AACS: variants seen among roughly 807,000 people sequenced by gnomAD.
AACS encodes acetoacetate-CoA ligase.
A neutral mutation model predicts 83.1 loss-of-function variants in AACS; 69 were observed. The observed-to-expected ratio is 0.83, with a 90% CI of 0.68 to 1.01. The LOEUF is 1.01. Ranked by LOEUF, AACS falls within the 50% of genes least tolerant of loss-of-function variation. The pLI, the probability that AACS is intolerant of heterozygous loss-of-function variation, is 0.00. For missense variants in AACS, 866 were observed against 882.2 expected, an observed-to-expected ratio of 0.98 and a Z score of 0.23; for synonymous variants, 333 against 343.4, an observed-to-expected ratio of 0.97 and a Z score of 0.33.
chr12:125,136,082 C>T (rs1272894534), intron 16 of AACS: 2 of 152,698 alleles, frequency 1.3e-5, no homozygotes, highest in African/African-American at 4.9e-5. Context: ...CAGGGTCTCA[C>T]TCTGTTGGCC....
chr12:125,110,064 G>T lies in AACS; in HGVS notation c.915+2796G>T, dbSNP rs554991286. On this transcript the variant is annotated intron_variant, in intron 8 of 17. Coordinates refer to ENST00000316519, the MANE Select transcript of AACS (RefSeq NM_023928.5). ...GGTGGAGTCCCGGCACTGTCACCTG[G>T]GCTGGAGTGCAGTGGCTCAATGTTG... is the stretch of plus-strand genomic sequence containing the variant. Among the ~76,000 whole-genome samples, 107 of 151,910 alleles carry T rather than the reference G, an allele frequency of 7.0e-4. 1 individual carries two copies. Among genetic ancestry groups the T allele is most frequent in the Non-Finnish European group, 1.3e-3 (85 of 67,954 alleles).
In AACS at chr12:125,102,759, C is replaced by A. The variant is rs1405781423; in HGVS notation, c.651C>A (p.His217Gln). Residue 217 changes from histidine (H) to glutamine (Q), a missense_variant, in exon 6 of 18, where the codon CAC becomes CAA. His to Gln is a conservative substitution (Grantham distance 24). Transcript: ENST00000316519. ...VEAVVYNGKE[H>Q]NHMEKLQQVV... ...CTGTTGTCTATAATGGCAAAGAGCA[C>A]AACCACATGGAAAAGCTGCAGCAGG... The A allele has an allele frequency of 6.2e-7, 1 of 1,614,206 alleles. No homozygotes were observed. Among genetic ancestry groups the A allele is most frequent in the Admixed American group, 1.7e-5 (1 of 60,024 alleles).
In AACS at chr12:125,131,224, T is replaced by G. The variant is rs865865628; in HGVS notation, c.1549+1764T>G. Among the ~76,000 whole-genome samples, 85 of 152,320 alleles carry G rather than the reference T, an allele frequency of 5.6e-4. 1 individual carries two copies. Among genetic ancestry groups the G allele is most frequent in the African/African-American group, 1.9e-3 (77 of 41,572 alleles). The stretch of plus-strand genomic sequence containing the variant: ...CCCTTTGGTGTAAATTTTAAATTTT[T>G]ATTTTAGAGACAAGGTCTCCGTCTG... On this transcript the variant is annotated intron_variant, in intron 14 of 17. Transcript: ENST00000316519.
At chr12:125,117,222 G>A (rs989809492) in intron 9 of AACS, among the ~76,000 whole-genome samples, 1 of 152,080 alleles carries the variant, frequency 6.6e-6, no homozygotes. Context: ...GACCAGCCTG[G>A]CCAACATGGA....
At chr12:125,120,271 C>T (rs1018519658) in intron 10 of AACS, 2 of 152,164 alleles carry the variant, frequency 1.3e-5, no homozygotes, top group Admixed American at 6.5e-5. Flanking sequence ...GTCTTGGTCA[C>T]CCTTGGCCTA....
intron 5 of AACS, among the ~76,000 whole-genome samples, chr12:125,092,295 G>C (rs1956502642): frequency 6.6e-6 from 1 of 152,238 alleles, no homozygotes; most frequent in Non-Finnish European, 1.5e-5. Flanking sequence ...CTCTGTTCTG[G>C]GCCAGGCCCT....
chr12:125,089,307 A>G (rs1956409416), intron 4 of AACS, among the ~76,000 whole-genome samples: 2 of 152,100 alleles, frequency 1.3e-5, no homozygotes, highest in Admixed American at 1.3e-4. Context: ...GACAAACAGA[A>G]ACACCCACTG....
At chr12:125,067,435 C>T (rs547039114) in intron 1 of AACS, among the ~76,000 whole-genome samples, 28 of 152,152 alleles carry the variant, frequency 1.8e-4, no homozygotes, top group Non-Finnish European at 3.5e-4. Context: ...CTGTCTAGCC[C>T]TGATGTTATG....
chr12:125,085,360 C>G (rs535595211), intron 3 of AACS, among the ~76,000 whole-genome samples: 3 of 152,234 alleles, frequency 2.0e-5, no homozygotes, highest in African/African-American at 7.2e-5. Flanking sequence ...TTTCGTGGAA[C>G]CACGCACGTG....
intron 2 of AACS, among the ~76,000 whole-genome samples, chr12:125,075,477 A>T (rs1475742553): frequency 3.3e-5 from 5 of 150,648 alleles, no homozygotes; most frequent in Admixed American, 6.6e-5. Context: ...TTTTTAGTAG[A>T]GATGGGGTTT....
rs752194654 is a variant in AACS at position 125,134,774 on chromosome 12, G to A, written c.1620-20G>A. 2.5e-6 allele frequency: 4 copies of A among 1,614,012 alleles called. No homozygotes were observed. The African/African-American group carries it at 5.3e-5, about 22-fold the overall frequency. ...CACTCCAGAGCTGCGGTGTGGCCCTGACCTCTTCTCTCTTTCCAGTGACGG... is the reference window on the plus strand; with the variant it reads ...CACTCCAGAGCTGCGGTGTGGCCCTAACCTCTTCTCTCTTTCCAGTGACGG... On this transcript the variant is annotated intron_variant, in intron 15 of 17. Coordinates refer to ENST00000316519, the MANE Select transcript of AACS (RefSeq NM_023928.5).
intron 1 of AACS, among the ~76,000 whole-genome samples, chr12:125,069,268 G>A (rs1248031471): frequency 2.6e-5 from 4 of 152,228 alleles, no homozygotes; most frequent in African/African-American, 9.6e-5. Context: ...TCAGTAGAGA[G>A]CAAGGCACAC....
intron 5 of AACS, among the ~76,000 whole-genome samples, chr12:125,098,744 C>G (rs1956664259): frequency 6.6e-6 from 1 of 152,260 alleles, no homozygotes; most frequent in South Asian, 2.1e-4. Context: ...AGCCACCGCT[C>G]CTGGCCCTCA....
intron 3 of AACS, among the ~76,000 whole-genome samples, chr12:125,079,265 AG>A (rs1565924851): frequency 6.6e-6 from 1 of 152,088 alleles, no homozygotes; most frequent in Non-Finnish European, 1.5e-5. Flanking sequence ...GGCCATCCTC[AG>A]GGTTCTGAGC....
chr12:125,119,265 G>A (rs187826157), intron 10 of AACS, among the ~76,000 whole-genome samples: 1 of 152,188 alleles, frequency 6.6e-6, no homozygotes, highest in East Asian at 1.9e-4. Flanking sequence ...TGCATAGTAC[G>A]GCGTTGTCAG....
chr12:125,098,480 CTCAG>C (rs1383889609), intron 5 of AACS, among the ~76,000 whole-genome samples: 1 of 147,584 alleles, frequency 6.8e-6, no homozygotes, highest in African/African-American at 2.5e-5. Flanking sequence ...GAGACAGAGT[CTCAG>C]TCTGTCACCC....
chr12:125,119,988 G>C (rs1467606863), intron 10 of AACS: 1 of 152,266 alleles, frequency 6.6e-6, no homozygotes, highest in African/African-American at 2.4e-5. Context: ...TAACTGCACT[G>C]AGTGCTTCCT....
intron 3 of AACS, chr12:125,078,455 T>C: frequency 5.0e-6 from 2 of 398,966 alleles, no homozygotes. Context: ...GTCAGGGCTC[T>C]GACTGGCTCT....
intron 17 of AACS, 110 bp downstream of exon 17, chr12:125,136,974 C>A (rs1957410819): frequency 8.6e-7 from 1 of 1,156,786 alleles, no homozygotes; most frequent in African/African-American, 1.5e-5. Flanking sequence ...TATCGTTTGT[C>A]CACGTTGCCT....
Sources: allele counts gnomAD v4.1 joint callset (sites outside exome capture counted in the v4.1 genomes callset), GRCh38; gene constraint gnomAD v4.1.1; transcripts MANE v1.5; gene names NCBI Gene and HGNC (gene_info 2026-07-23, HGNC 2026-07-21).